The following ODF2L variants were observed in gnomAD, a reference collection of about 807,000 sequenced individuals.
ODF2L encodes protein BCAP.
Under a neutral mutation model 86.3 loss-of-function variants are expected in ODF2L, and 76 were observed. That is an observed-to-expected ratio of 0.88 (90% CI 0.73 to 1.07). ODF2L has a LOEUF of 1.07. Ranked by LOEUF, ODF2L falls within the 50% of genes least tolerant of loss-of-function variation. ODF2L has a pLI of 0.00. For synonymous variants in ODF2L, 241 were observed against 231.3 expected (o/e 1.04, Z -0.38); for missense variants, 748 against 717.4 (o/e 1.04, Z -0.49).
intron 15 of ODF2L, 33 bp downstream of exon 14, chr1:86,354,741 T>C: frequency 1.9e-6 from 3 of 1,543,608 alleles, no homozygotes; most frequent in East Asian, 2.2e-5. Context: ...CAGAGAAATA[T>C]GCAGCAGCAA....
intron 2 of ODF2L, chr1:86,386,406 CGCTCTGTCACCCAG>C (rs71078657): frequency 0.038 from 5,786 of 152,118 alleles, 177 homozygotes; most frequent in African/African-American, 0.08. Flanking sequence ...GATGGAGTCT[CGCTCTGTCACCCAG>C]GCTCTGTCAC....
chr1:86,382,903 T>C (rs765243868), intron 6 of ODF2L, 28 bp downstream of exon 6: 1 of 1,180,122 alleles, frequency 8.5e-7, no homozygotes, highest in East Asian at 2.3e-5. Flanking sequence ...TATAATGAAT[T>C]AAGCTCAAAA....
At chr1:86,390,378 C>A (rs1661236798) in intron 1 of ODF2L, among the ~76,000 whole-genome samples, 1 of 152,100 alleles carries the variant, frequency 6.6e-6, no homozygotes, top group South Asian at 2.1e-4. Flanking sequence ...CACGACCATG[C>A]CACTACACTC....
chr1:86,359,136 G>C (rs1037615258), intron 12 of ODF2L, among the ~76,000 whole-genome samples: 2 of 151,582 alleles, frequency 1.3e-5, no homozygotes, highest in African/African-American at 4.9e-5. Flanking sequence ...GAGCTTTGAA[G>C]ACTACAAAGA....
chr1:86,379,433 CAGAT>C (rs1415823574), intron 7 of ODF2L, among the ~76,000 whole-genome samples: 2 of 152,116 alleles, frequency 1.3e-5, no homozygotes, highest in Non-Finnish European at 2.9e-5. Flanking sequence ...GTGATTAACT[CAGAT>C]AGTTTTTTTA....
chr1:86,358,124 C>G (rs1658733791), intron 13 of ODF2L: 1 of 982,116 alleles, frequency 1.0e-6, no homozygotes, highest in Admixed American at 6.2e-5. Flanking sequence ...GGGAGCAACC[C>G]AGAGAGAGTA....
At chr1:86,365,022 T>G (rs1659305134) in intron 11 of ODF2L, among the ~76,000 whole-genome samples, 1 of 152,194 alleles carries the variant, frequency 6.6e-6, no homozygotes, top group South Asian at 2.1e-4. Context: ...TTTACATAAC[T>G]TAAAATGTGA....
At chr1:86,383,669 C>A (rs1660738653) in intron 4 of ODF2L, among the ~76,000 whole-genome samples, 1 of 151,690 alleles carries the variant, frequency 6.6e-6, no homozygotes, top group Non-Finnish European at 1.5e-5. Context: ...CATACTTCTG[C>A]TTTAGAATGT....
At chr1:86,376,497 C>A in intron 7 of ODF2L, 79 bp from the exon 8 acceptor site, 1 of 871,010 alleles carries the variant, frequency 1.1e-6, no homozygotes. Flanking sequence ...ATGTACATAA[C>A]TGATATGGTT....
intron 11 of ODF2L, among the ~76,000 whole-genome samples, chr1:86,364,407 A>G (rs1558022236): frequency 6.6e-6 from 1 of 152,188 alleles, no homozygotes; most frequent in Non-Finnish European, 1.5e-5. Context: ...AATTTAAAGG[A>G]AAGGTAGGAT....
intron 11 of ODF2L, among the ~76,000 whole-genome samples, chr1:86,365,522 G>A (rs989613221): frequency 6.6e-6 from 1 of 152,114 alleles, no homozygotes; most frequent in Non-Finnish European, 1.5e-5. Context: ...TGAAAAATGG[G>A]AAGATTAGTA....
At chr1:86,347,520 A>G (rs1354200936), downstream of ODF2L, 1 of 152,054 alleles carries the variant, frequency 6.6e-6, no homozygotes, top group East Asian at 1.9e-4. Context: ...CAGTTCTGAC[A>G]CTCTGTATTT....
exon 18 of ODF2L, chr1:86,350,736 A>G (rs1159763494): frequency 2.6e-5 from 4 of 152,004 alleles, no homozygotes; most frequent in African/African-American, 9.7e-5. Flanking sequence ...AAAGCATCCT[A>G]TTTCTCCACA....
chr1:86,393,102 T>C (rs903572346), intron 1 of ODF2L, among the ~76,000 whole-genome samples: 5 of 152,196 alleles, frequency 3.3e-5, no homozygotes, highest in African/African-American at 1.2e-4. Flanking sequence ...TCCATGACCT[T>C]CCTTAACACC....
At chr1:86,359,557 C>G (rs1194036207) in intron 12 of ODF2L, among the ~76,000 whole-genome samples, 1 of 135,724 alleles carries the variant, frequency 7.4e-6, no homozygotes, top group African/African-American at 2.8e-5. Flanking sequence ...GAGTCTTGCT[C>G]TGTTGCCCAG....
At chr1:86,365,497 GAGAATAAAAC>G (rs1659341915) in intron 11 of ODF2L, among the ~76,000 whole-genome samples, 2 of 152,052 alleles carry the variant, frequency 1.3e-5, no homozygotes, top group Non-Finnish European at 2.9e-5. Context: ...TTAATATAGA[GAGAATAAAAC>G]AGAATGAAAA....
intron 11 of ODF2L, among the ~76,000 whole-genome samples, chr1:86,367,053 A>G (rs1570383268): frequency 6.6e-6 from 1 of 152,146 alleles, no homozygotes; most frequent in Non-Finnish European, 1.5e-5. Flanking sequence ...AACACCAAGG[A>G]TAAGGGGAAT....
chr1:86,377,876 T>C lies in ODF2L; in HGVS notation c.625-1458A>G, dbSNP rs570721691. 5.9e-5 allele frequency among the ~76,000 whole-genome samples: 9 copies of C among 152,284 alleles called. No homozygotes were observed. The South Asian group carries it at 8.3e-4, about 14-fold the overall frequency. On this transcript the variant is annotated intron_variant, in intron 7 of 17. Coordinates refer to ENST00000317336, the Ensembl canonical transcript of ODF2L. ...AGACCTCTGACATACCCCAGAAACA[T>C]TTTCCCCATTAATATTCGGCTTCTC...
chr1:86,358,867 C>CA lies in ODF2L; in HGVS notation c.1278dup (p.Glu427Ter). ...TTTTCACATCTGCTTTTTACTATTT[C>CA]AGCTGCTTCTTGCAACTTTTGTACC... On this transcript the variant is annotated frameshift_variant, in exon 13 of 18. Coordinates refer to ENST00000317336, the Ensembl canonical transcript of ODF2L. LOFTEE classifies it high-confidence loss of function. The CA allele has an allele frequency of 6.5e-7, 1 of 1,536,636 alleles. No individual in the cohort carries two copies. Among genetic ancestry groups the CA allele is most frequent in the Non-Finnish European group, 8.8e-7 (1 of 1,139,818 alleles).
Sources: gnomAD v4.1 joint callset for allele counts (sites outside exome capture counted in the v4.1 genomes callset) on GRCh38, gnomAD v4.1.1 for gene constraint, MANE v1.5 for transcripts, NCBI Gene and HGNC (gene_info 2026-07-23, HGNC 2026-07-21) for gene names.